DFFA: variants seen among roughly 807,000 people sequenced by gnomAD.
DFFA encodes DNA fragmentation factor subunit alpha.
In DFFA, 14 loss-of-function variants were observed where a neutral mutation model predicts 28.0. The observed-to-expected ratio is 0.50, with a 90% confidence interval of 0.33 to 0.78. The LOEUF (loss-of-function observed/expected upper bound fraction) is 0.78. Among genes scored for constraint, DFFA ranks in the 30% least tolerant of loss-of-function variants. DFFA has a pLI of 0.02. For missense variants in DFFA, 395 were observed against 407.1 expected (o/e 0.97, Z 0.26); for synonymous variants, 158 against 170.3 (o/e 0.93, Z 0.56).
intron 5 of DFFA, chr1:10,462,755 C>A: frequency 8.1e-7 from 1 of 1,230,680 alleles, no homozygotes; most frequent in Non-Finnish European, 1.0e-6. Flanking sequence ...CATGGAAAGA[C>A]CCAGAAGCCA....
rs963750434 is a variant in DFFA at position 10,460,247 on chromosome 1, AAAAAC to A, written c.*1238_*1242del. On this transcript the variant is annotated 3_prime_UTR_variant, in exon 6 of 6. Transcript: ENST00000377038. ...GTGACAGAGTGAGACTCTGTCTCAA[AAAAAC>A]AAAACAAAACTTTTTTTTTTTCTTG... 5 of 152,172 alleles carry A rather than the reference AAAAAC, an allele frequency of 3.3e-5. No individual in the cohort carries two copies. The highest frequency in any genetic ancestry group is 2.0e-4 in the East Asian group (1 of 5,074). The allele number at this position is 152,172 out of a possible 1,614,324, so 9.4% of individuals were successfully genotyped here.
chr1:10,466,045 G>C (rs978001916), intron 3 of DFFA, among the ~76,000 whole-genome samples: 4 of 151,904 alleles, frequency 2.6e-5, no homozygotes, highest in African/African-American at 9.7e-5. Context: ...CTACCTGAGA[G>C]GTTGAGGTGG....
At position 10,466,952 on chromosome 1, in the gene DFFA, CAAAAAAAAAAA is replaced by C. The variant is rs34597195; in HGVS notation, c.441+227_441+237del. On this transcript the variant is annotated intron_variant, in intron 3 of 5. Transcript: ENST00000377038. ...TGGGCGACAGAGTAAGACTGTGTCT[CAAAAAAAAAAA>C]AAAAAAAAAAAAAAAATCCACAGGT... 4.6e-4 allele frequency among the ~76,000 whole-genome samples: 15 copies of C among 32,736 alleles called. No individual in the cohort carries two copies. The South Asian group carries it at 0.017, about 37-fold the overall frequency. 21.5% of individuals were successfully genotyped at this position (32,736 alleles called of 152,430 possible).
At position 10,461,101 on chromosome 1, in the gene DFFA, A is replaced by G. The variant is rs142383097; in HGVS notation, c.*389T>C. On this transcript the variant is annotated 3_prime_UTR_variant, in exon 6 of 6. Transcript: ENST00000377038. Reference sequence around the variant, plus strand: ...TTTTTTTTGTATTTTTAGTAGAGACAGGGTTTCACCATGTTAGCCAGGATG... The same window carrying G: ...TTTTTTTTGTATTTTTAGTAGAGACGGGGTTTCACCATGTTAGCCAGGATG... 3,020 of 156,274 alleles carry G rather than the reference A, an allele frequency of 0.019. 51 individuals are homozygous for G. The highest frequency in any genetic ancestry group is 0.13 in the Middle Eastern group (35 of 270). 9.7% of individuals were successfully genotyped at this position (156,274 alleles called of 1,614,324 possible). A position where few individuals can be genotyped will look rare whatever the true frequency, so the allele number is the denominator to read the frequency against.
Position 10,472,272 on chromosome 1 carries a change from C to T in DFFA, c.136+51G>A. ...ACCCCGCCTCGCCCCCGCCGGACGTCCTCACCCGGCCCTGGCTCCCCCACA... is the reference window on the plus strand; with the variant it reads ...ACCCCGCCTCGCCCCCGCCGGACGTTCTCACCCGGCCCTGGCTCCCCCACA... On this transcript the variant is annotated intron_variant, in intron 1 of 5. Coordinates refer to ENST00000377038, the MANE Select transcript of DFFA (RefSeq NM_004401.3). The surrounding 1 kb of genome is among the most constrained non-coding windows in gnomAD (Gnocchi z 5.0). The T allele has an allele frequency of 1.3e-6, 2 of 1,518,624 alleles. No homozygotes were observed. Among genetic ancestry groups the T allele is most frequent in the Non-Finnish European group, 1.8e-6 (2 of 1,128,446 alleles). 94.1% of individuals were successfully genotyped at this position (1,518,624 alleles called of 1,614,324 possible).
At position 10,469,246 on chromosome 1, in the gene DFFA, G is replaced by C; in HGVS notation, c.229C>G (p.Leu77Val). ...GTIVDDDDYF[L>V]CLPSNTKFVA... The stretch of plus-strand genomic sequence containing the variant: ...AACTTAGTATTGGAAGGTAGACACA[G>C]AAAGTAATCGTCATCATCCACTATG... Residue 77 changes from leucine to valine, a missense_variant, in exon 2 of 6, where the codon CTG (leucine) becomes GTG (valine). By Grantham distance (32) the Leu-to-Val change is conservative (BLOSUM62 1). Coordinates refer to ENST00000377038, the MANE Select transcript of DFFA (RefSeq NM_004401.3). 1 of 1,614,186 alleles carries C rather than the reference G, an allele frequency of 6.2e-7. No homozygotes were observed. The highest frequency in any genetic ancestry group is 8.5e-7 in the Non-Finnish European group (1 of 1,179,996).
rs1570100175 is a variant in DFFA, at chr1:10,461,221, T to C, written c.*269A>G. 2.4e-6 allele frequency: 1 copy of C among 412,984 alleles called. No homozygotes were observed. The highest frequency in any genetic ancestry group is 2.0e-5 in the African/African-American group (1 of 50,406). 25.6% of individuals were successfully genotyped at this position (412,984 alleles called of 1,614,324 possible). A position where few individuals can be genotyped will look rare whatever the true frequency, so the allele number is the denominator to read the frequency against. ...CTGCGCCTGGCCAATCACTGCCAAT[T>C]ACTTTTGAACAGAGAACATCATATG... On this transcript the variant is annotated 3_prime_UTR_variant, in exon 6 of 6. Transcript: ENST00000377038.
intron 3 of DFFA, among the ~76,000 whole-genome samples, chr1:10,466,622 C>T (rs1371068328): frequency 6.6e-6 from 1 of 151,936 alleles, no homozygotes; most frequent in Non-Finnish European, 1.5e-5. Context: ...CTGACCCCAG[C>T]GTCCACCTAA....
chr1:10,469,839 C>CTT (rs35502618), intron 1 of DFFA, among the ~76,000 whole-genome samples: 6 of 139,422 alleles, frequency 4.3e-5, no homozygotes, highest in Non-Finnish European at 7.7e-5. Context: ...TTCTTTCTTT[C>CTT]TTTTTTTTTT....
Position 10,461,367 on chromosome 1 carries a change from C to T in DFFA, c.*123G>A. 1 of 1,435,710 alleles carries T rather than the reference C, an allele frequency of 7.0e-7. No homozygotes were observed. The highest frequency in any genetic ancestry group is 9.2e-7 in the Non-Finnish European group (1 of 1,091,086). The allele number at this position is 1,435,710 out of a possible 1,614,324, so 88.9% of individuals were successfully genotyped here. The stretch of plus-strand genomic sequence containing the variant: ...CGGCGTATGTTGAGACCTGGAATAG[C>T]TTCTCTGGAAGGTGCTCTAAGGCAG... On this transcript the variant is annotated 3_prime_UTR_variant, in exon 6 of 6. Transcript: ENST00000377038.
rs186933436 is a variant in DFFA, at chr1:10,463,640, G to A, written c.442-20C>T. 4.9e-5 allele frequency: 78 copies of A among 1,587,814 alleles called. No homozygotes were observed. In the East Asian group the frequency reaches 5.6e-4, roughly 11 times the overall value. ...AAGCATCTAACAAACAAACACAGAC[G>A]CTTAGAAATCTACAGGGACTTTCTG... On this transcript the variant is annotated intron_variant, in intron 3 of 5. Transcript: ENST00000377038.
In DFFA at chr1:10,472,470, T is replaced by C. The variant is rs546298800; in HGVS notation, c.-12A>G. ...CCGGTCACCTCCATCCTCCACAAGG[T>C]GGGACCTGCCCACCTTCGAGAAGTC... On this transcript the variant is annotated 5_prime_UTR_variant, in exon 1 of 6. Transcript: ENST00000377038. The surrounding 1 kb of genome is among the most constrained non-coding windows in gnomAD (Gnocchi z 5.0). 2.3e-5 allele frequency: 36 copies of C among 1,598,334 alleles called. No individual in the cohort carries two copies. In the East Asian group the frequency reaches 2.3e-4, roughly 10 times the overall value.
intron 1 of DFFA, among the ~76,000 whole-genome samples, chr1:10,471,326 C>T (rs925279004): frequency 6.6e-6 from 1 of 152,106 alleles, no homozygotes; most frequent in Non-Finnish European, 1.5e-5. Context: ...TGTTGTCTAC[C>T]ACCCAATAGA....
chr1:10,462,739 T>G (rs1640965329), intron 5 of DFFA: 1 of 1,186,792 alleles, frequency 8.4e-7, no homozygotes, highest in African/African-American at 1.5e-5. Flanking sequence ...ATAGATCTTC[T>G]CTGACCATGG....
At chr1:10,471,062 CAA>C (rs59465527) in intron 1 of DFFA, among the ~76,000 whole-genome samples, 15 of 96,490 alleles carry the variant, frequency 1.6e-4, no homozygotes, top group African/African-American at 3.9e-4. Flanking sequence ...CACTCCGTCT[CAA>C]AAAAAAAAAA....
rs1054025747 is a variant in DFFA at position 10,472,165 on chromosome 1, C to A, written c.136+158G>T. The stretch of plus-strand genomic sequence containing the variant: ...TTAATTACGCTCAAGCGCCTTAAAT[C>A]TGTAAATCGCTATGCCCACTCGGAC... On this transcript the variant is annotated intron_variant, in intron 1 of 5. Transcript: ENST00000377038. This position sits in a 1 kb window ranked among gnomAD's most constrained non-coding sequence, Gnocchi z 5.0. The A allele has an allele frequency of 2.2e-5, 19 of 850,486 alleles. No individual in the cohort carries two copies. Among genetic ancestry groups the A allele is most frequent in the African/African-American group, 3.5e-5 (2 of 56,776 alleles). The allele number at this position is 850,486 out of a possible 1,614,324, so 52.7% of individuals were successfully genotyped here. A position where few individuals can be genotyped will look rare whatever the true frequency, so the allele number is the denominator to read the frequency against.
At position 10,467,305 on chromosome 1, in the gene DFFA, T is replaced by A. The variant is rs138579895; in HGVS notation, c.326A>T (p.Glu109Val). 3 of 1,614,118 alleles carry A rather than the reference T, an allele frequency of 1.9e-6. No homozygotes were observed. The South Asian group carries it at 3.3e-5, about 18-fold the overall frequency. Residue 109 changes from glutamate (E) to valine (V), a missense_variant, in exon 3 of 6, where the codon GAG becomes GTG. Glu to Val is a moderately radical substitution (Grantham distance 121). Transcript: ENST00000377038. Reference sequence around the variant, plus strand: ...GTCTGTTTCATCTACATCAAAGGACTCTTGGGAAATCCAAGCTGTACCTCC... The same window carrying A: ...GTCTGTTTCATCTACATCAAAGGACACTTGGGAAATCCAAGCTGTACCTCC... ...SDGGTAWISQ[E>V]SFDVDETDSG...
intron 3 of DFFA, among the ~76,000 whole-genome samples, chr1:10,465,024 G>T (rs1641002720): frequency 6.6e-6 from 1 of 152,166 alleles, no homozygotes; most frequent in Non-Finnish European, 1.5e-5. Context: ...GGCCAGGGTG[G>T]GAGGACTGCC....
chr1:10,463,984 C>T (rs1179167991), intron 3 of DFFA, among the ~76,000 whole-genome samples: 3 of 151,526 alleles, frequency 2.0e-5, no homozygotes, highest in East Asian at 2.0e-4. Context: ...TTTCTAAACA[C>T]GGTGTTCTAC....
Sources: allele counts gnomAD v4.1 joint callset (sites outside exome capture counted in the v4.1 genomes callset), GRCh38; gene constraint gnomAD v4.1.1; non-coding constraint Gnocchi (gnomAD v3.1); transcripts MANE v1.5; gene names NCBI Gene and HGNC (gene_info 2026-07-23, HGNC 2026-07-21).